Variants in HSPG2 observed in about 807,000 individuals in gnomAD.
HSPG2 encodes basement membrane-specific heparan sulfate proteoglycan core protein.
HSPG2 carries 278 observed loss-of-function variants against 526.6 expected under a neutral mutation model. The ratio of observed to expected loss-of-function variants is 0.53; its 90% CI spans 0.48 to 0.58. The LOEUF (loss-of-function observed/expected upper bound fraction) is 0.58. HSPG2 is among the 20% of genes least tolerant of loss of function. The pLI, the probability that HSPG2 is intolerant of heterozygous loss-of-function variation, is 0.00. For synonymous variants in HSPG2, 2,465 were observed against 2,555.4 expected (o/e 0.96, Z 1.07); for missense variants, 5,354 against 6,099.5 (o/e 0.88, Z 4.07).
intron 1 of HSPG2, among the ~76,000 whole-genome samples, chr1:21,930,819 G>A (rs1016082429): frequency 2.0e-5 from 3 of 151,670 alleles, no homozygotes; most frequent in Non-Finnish European, 2.9e-5. Flanking sequence ...CATAGAAGAT[G>A]CTCCACAGAT....
Position 21,887,006 on chromosome 1 carries a change from G to T in HSPG2, c.1078+209C>A, listed in dbSNP as rs915972876. On this transcript the variant is annotated intron_variant, in intron 9 of 96. Coordinates refer to ENST00000374695, the MANE Select transcript of HSPG2 (RefSeq NM_005529.7). The surrounding 1 kb of genome is among the most constrained non-coding windows in gnomAD (Gnocchi z 5.0). ...CCAAAGGCCAGCTCAGGGCCAAGGG[G>T]CCTTACGGCTCTGGTTAGAGATAAA... is the stretch of plus-strand genomic sequence containing the variant. Among the ~76,000 whole-genome samples, 1 of 152,188 alleles carries T rather than the reference G, an allele frequency of 6.6e-6. No individual in the cohort carries two copies. The highest frequency in any genetic ancestry group is 1.5e-5 in the Non-Finnish European group (1 of 68,040).
intron 1 of HSPG2, chr1:21,908,329 A>C: frequency 9.7e-7 from 1 of 1,029,096 alleles, no homozygotes; most frequent in Admixed American, 1.7e-5. Context: ...TGTTGTAAAC[A>C]AACAAGTTAA....
At position 21,904,315 on chromosome 1, in the gene HSPG2, G is replaced by C. The variant is rs935252225; in HGVS notation, c.64-8005C>G. Among the ~76,000 whole-genome samples, 2 of 152,138 alleles carry C rather than the reference G, an allele frequency of 1.3e-5. No individual in the cohort carries two copies. The highest frequency in any genetic ancestry group is 2.9e-5 in the Non-Finnish European group (2 of 68,028). ...GCAAAGCAGAGAAGGGGAAGAGTGC[G>C]GACCAGGTGGAGGGAAGGGCACACG... is the stretch of plus-strand genomic sequence containing the variant. On this transcript the variant is annotated intron_variant, in intron 1 of 96. Coordinates refer to ENST00000374695, the MANE Select transcript of HSPG2 (RefSeq NM_005529.7). The surrounding 1 kb of genome is among the most constrained non-coding windows in gnomAD (Gnocchi z 4.4).
At chr1:21,834,335 A>G (rs928085124) in intron 77 of HSPG2, among the ~76,000 whole-genome samples, 2 of 152,060 alleles carry the variant, frequency 1.3e-5, no homozygotes, top group African/African-American at 2.4e-5. Context: ...TTTACTCTCT[A>G]TTAGGTCTGT....
intron 3 of HSPG2, among the ~76,000 whole-genome samples, chr1:21,894,561 C>T (rs534690357): frequency 2.0e-5 from 3 of 152,332 alleles, no homozygotes; most frequent in South Asian, 4.1e-4. Flanking sequence ...GGGCCCCCTA[C>T]AGCTGCTGTG....
chr1:21,873,486 G>T, intron 29 of HSPG2, 62 bp from the exon 30 acceptor site: 1 of 1,504,072 alleles, frequency 6.6e-7, no homozygotes, highest in Non-Finnish European at 9.3e-7. Flanking sequence ...CCAGGGCTGG[G>T]CTGAGGGCCC....
intron 71 of HSPG2, 114 bp downstream of exon 71, chr1:21,840,987 C>T: frequency 1.1e-6 from 1 of 913,876 alleles, no homozygotes; most frequent in Non-Finnish European, 1.7e-6. Context: ...TCCTCCCTTC[C>T]TCTCTCCATC....
chr1:21,824,333 C>A lies in HSPG2; in HGVS notation c.12788G>T (p.Gly4263Val). 4.3e-6 allele frequency: 7 copies of A among 1,613,900 alleles called. No homozygotes were observed. The highest frequency in any genetic ancestry group is 5.9e-6 in the Non-Finnish European group (7 of 1,180,026). The change falls in exon 94 of 97, where the codon GGG becomes GTG. Residue 4263 changes from glycine to valine, a missense_variant. Transcript: ENST00000374695. The surrounding 1 kb of genome is among the most constrained non-coding windows in gnomAD (Gnocchi z 5.9). ...GAAGACAAGGTGCCCGTCTTGAAGC[C>A]CGAGGCTGATGAAGTCCTTGCCTTG... ...AGQGKDFISL[G>V]LQDGHLVFRY...
chr1:21,835,201 A>C (rs1443252410), intron 76 of HSPG2: 2 of 612,776 alleles, frequency 3.3e-6, no homozygotes, highest in Non-Finnish European at 5.9e-6. Flanking sequence ...ACGGCTCACC[A>C]CAGCCTAGAA....
chr1:21,837,231 C>G (rs1003808756), intron 74 of HSPG2, among the ~76,000 whole-genome samples: 4 of 152,210 alleles, frequency 2.6e-5, no homozygotes, highest in African/African-American at 9.7e-5. Flanking sequence ...GCTCTGTTTC[C>G]ACAGCTCCTC....
chr1:21,937,301 TCGGGACAGCG>T (rs1644517632), exon 1 of HSPG2: 1 of 346,990 alleles, frequency 2.9e-6, no homozygotes, highest in Non-Finnish European at 3.7e-6. Context: ...GCCGGCCAGC[TCGGGACAGCG>T]CGGCCCTCTC....
chr1:21,824,759 C>T lies in HSPG2; in HGVS notation c.12610G>A (p.Ala4204Thr), dbSNP rs1315482724. Residue 4204 changes from alanine (A) to threonine (T), a missense_variant, in exon 92 of 97, where the codon GCC (alanine) becomes ACC (threonine). Ala to Thr is a moderately conservative substitution (Grantham distance 58). Coordinates refer to ENST00000374695, the MANE Select transcript of HSPG2 (RefSeq NM_005529.7). This position sits in a 1 kb window ranked among gnomAD's most constrained non-coding sequence, Gnocchi z 5.9. Reference protein sequence around the residue: ...GGNDAPGQYGAYFHDDGFLAF... With the variant: ...GGNDAPGQYGTYFHDDGFLAF... ...AGGAAGCCATCATCGTGGAAATAGG[C>T]TCCGTACTGCCCAGGGGCATCTGTG... 2.5e-6 allele frequency: 4 copies of T among 1,613,212 alleles called. No homozygotes were observed. The highest frequency in any genetic ancestry group is 1.7e-6 in the Non-Finnish European group (2 of 1,179,698).
At chr1:21,923,657 G>A (rs1178513959) in intron 1 of HSPG2, among the ~76,000 whole-genome samples, 2 of 152,168 alleles carry the variant, frequency 1.3e-5, no homozygotes, top group Non-Finnish European at 2.9e-5. Flanking sequence ...TCTCCCAGAG[G>A]TCTGGTGGCC....
At position 21,934,600 on chromosome 1, in the gene HSPG2, CTT is replaced by C. The variant is rs10711347; in HGVS notation, c.63+2553_63+2554del. The stretch of plus-strand genomic sequence containing the variant: ...CCTGGGCAACAAAGTGTGATGCCCT[CTT>C]TTTTTTTTTTTGAGACAGAGTCTTG... On this transcript the variant is annotated intron_variant, in intron 1 of 96. Coordinates refer to ENST00000374695, the MANE Select transcript of HSPG2 (RefSeq NM_005529.7). Among the ~76,000 whole-genome samples the C allele has an allele frequency of 2.4e-3, 351 of 145,206 alleles. 2 individuals carry two copies. The highest frequency in any genetic ancestry group is 5.7e-3 in the African/African-American group (226 of 39,990).
rs1639564714 is a variant in HSPG2 at position 21,859,066 on chromosome 1, A to G, written c.5293+500T>C. On this transcript the variant is annotated intron_variant, in intron 42 of 96. Transcript: ENST00000374695. This position sits in a 1 kb window ranked among gnomAD's most constrained non-coding sequence, Gnocchi z 5.3. Reference sequence around the variant, plus strand: ...GGTGCATTATTATTATTATTTTTTTAAGACAGAGTCTTGCTCTGTTGCCCA... The same window carrying G: ...GGTGCATTATTATTATTATTTTTTTGAGACAGAGTCTTGCTCTGTTGCCCA... Among the ~76,000 whole-genome samples, 1 of 151,758 alleles carries G rather than the reference A, an allele frequency of 6.6e-6. No homozygotes were observed. The highest frequency in any genetic ancestry group is 1.5e-5 in the Non-Finnish European group (1 of 67,936).
At chr1:21,917,366 G>T (rs1398343652) in intron 1 of HSPG2, among the ~76,000 whole-genome samples, 1 of 151,898 alleles carries the variant, frequency 6.6e-6, no homozygotes, top group Admixed American at 6.6e-5. Context: ...CCAGGAGGTC[G>T]AGGCTGCAGT....
chr1:21,823,779 GAC>G (rs1217848618), intron 95 of HSPG2, 60 bp from the exon 96 acceptor site: 2 of 1,304,024 alleles, frequency 1.5e-6, no homozygotes, highest in South Asian at 1.2e-5. Flanking sequence ...CCGGCCCCAC[GAC>G]AGAGTCCCCT....
chr1:21,863,839 G>GTA (rs1640017318), intron 37 of HSPG2, among the ~76,000 whole-genome samples: 1 of 152,134 alleles, frequency 6.6e-6, no homozygotes, highest in African/African-American at 2.4e-5. Flanking sequence ...GACCCCATCT[G>GTA]TATTAGATAA....
intron 74 of HSPG2, among the ~76,000 whole-genome samples, chr1:21,838,438 A>G (rs1343696325): frequency 6.6e-6 from 1 of 152,220 alleles, no homozygotes; most frequent in Admixed American, 6.5e-5. Flanking sequence ...CCTGTCAAGC[A>G]TTTACCCAGC....
Sources: allele counts gnomAD v4.1 joint callset (sites outside exome capture counted in the v4.1 genomes callset), GRCh38; gene constraint gnomAD v4.1.1; non-coding constraint Gnocchi (gnomAD v3.1); transcripts MANE v1.5; gene names NCBI Gene and HGNC (gene_info 2026-07-23, HGNC 2026-07-21).